GPBP1L1: variants seen among roughly 807,000 people sequenced by gnomAD.
The protein encoded by GPBP1L1 is GC-rich promoter binding protein 1 like 1, also known as vasculin-like protein 1.
GPBP1L1 carries 23 observed loss-of-function variants against 52.5 expected under a neutral mutation model. The ratio of observed to expected loss-of-function variants is 0.44; its 90% CI spans 0.32 to 0.62. The LOEUF (loss-of-function observed/expected upper bound fraction) is 0.62, where lower values mean the gene tolerates loss of function less well. GPBP1L1 is among the 20% of genes least tolerant of loss of function. GPBP1L1 has a pLI of 0.06. For missense variants in GPBP1L1, 596 were observed against 579.3 expected (o/e 1.03, Z -0.30); for synonymous variants, 243 against 203.1 (o/e 1.20, Z -1.67).
rs144826302 is a variant in GPBP1L1, at chr1:45,654,659, T to C, written c.361A>G (p.Asn121Asp). The C allele has an allele frequency of 1.2e-6, 2 of 1,614,188 alleles. No homozygotes were observed. Among genetic ancestry groups the C allele is most frequent in the Non-Finnish European group, 1.7e-6 (2 of 1,180,020 alleles). ...GGGTGNHRHW[N>D]GSFHSRKGCA... ...CCTTTCCGGGAGTGGAAGCTGCCAT[T>C]CCAATGGCGATGGTTCCCTGTGCCA... The change falls in exon 6 of 13, where the codon AAT (asparagine) becomes GAT (aspartate). Residue 121 changes from asparagine to aspartate, a missense_variant. Asn to Asp is a conservative substitution (Grantham distance 23, BLOSUM62 1). Coordinates refer to ENST00000355105, the MANE Select transcript of GPBP1L1 (RefSeq NM_021639.5).
At chr1:45,652,435 A>G (rs975529064) in intron 6 of GPBP1L1, among the ~76,000 whole-genome samples, 1 of 152,208 alleles carries the variant, frequency 6.6e-6, no homozygotes, top group African/African-American at 2.4e-5. Flanking sequence ...GTAGCATACT[A>G]CCCAGTTTAA....
At chr1:45,634,011 C>T in intron 9 of GPBP1L1, 85 bp downstream of exon 9, 1 of 1,307,730 alleles carries the variant, frequency 7.6e-7, no homozygotes, top group Non-Finnish European at 1.0e-6. Flanking sequence ...AAACAAGTGT[C>T]ACAGCTATAC....
chr1:45,651,481 G>C, intron 6 of GPBP1L1: 1 of 461,012 alleles, frequency 2.2e-6, no homozygotes, highest in Non-Finnish European at 4.0e-6. Context: ...CTCAGCCTGG[G>C]CCAATAGCCT....
chr1:45,650,217 C>T (rs1486944319), intron 6 of GPBP1L1, among the ~76,000 whole-genome samples: 1 of 152,126 alleles, frequency 6.6e-6, no homozygotes, highest in East Asian at 1.9e-4. Context: ...ATCCAAGTCT[C>T]CTAATCCTAG....
At chr1:45,673,902 T>TA (rs1292487659) in intron 2 of GPBP1L1, among the ~76,000 whole-genome samples, 4 of 152,050 alleles carry the variant, frequency 2.6e-5, no homozygotes, top group Non-Finnish European at 5.9e-5. Context: ...CAAAGAACCC[T>TA]AATCAATATA....
rs1644940344 is a variant in GPBP1L1, at chr1:45,660,930, G to T, written c.-802C>A. 1 of 152,186 alleles carries T rather than the reference G, an allele frequency of 6.6e-6. No individual in the cohort carries two copies. Among genetic ancestry groups the T allele is most frequent in the Non-Finnish European group, 1.5e-5 (1 of 68,030 alleles). The allele number at this position is 152,186 out of a possible 1,614,324, so 9.4% of individuals were successfully genotyped here. A position where few individuals can be genotyped will look rare whatever the true frequency, so the allele number is the denominator to read the frequency against. On this transcript the variant is annotated 5_prime_UTR_variant, in exon 3 of 13. Transcript: ENST00000355105. ...ATTTCTTGGTATAAAGCTACTAAAT[G>T]TATATTCTATGTCTTTGGCCTTTAC... is the stretch of plus-strand genomic sequence containing the variant.
chr1:45,639,628 G>T (rs1332692055), intron 8 of GPBP1L1, among the ~76,000 whole-genome samples: 1 of 150,432 alleles, frequency 6.6e-6, no homozygotes, highest in African/African-American at 2.4e-5. Flanking sequence ...TGTAATCCCA[G>T]CACCTTGGGA....
chr1:45,665,203 T>C (rs1451501578), intron 2 of GPBP1L1, among the ~76,000 whole-genome samples: 2 of 152,038 alleles, frequency 1.3e-5, no homozygotes, highest in African/African-American at 2.4e-5. Flanking sequence ...GGCAGGAGAA[T>C]TGCTTGAACT....
chr1:45,646,121 A>G (rs1569799042), intron 6 of GPBP1L1: 14 of 416,568 alleles, frequency 3.4e-5, no homozygotes, highest in Middle Eastern at 8.6e-4. Flanking sequence ...ATGGCCTAGT[A>G]AGAACCGGCG....
In GPBP1L1 at chr1:45,634,178, C is replaced by T. The variant is rs200092905; in HGVS notation, c.803G>A (p.Arg268Gln). 164 of 1,613,672 alleles carry T rather than the reference C, an allele frequency of 1.0e-4. No individual in the cohort carries two copies. Among genetic ancestry groups the T allele is most frequent in the East Asian group, 8.9e-5 (4 of 44,892 alleles). The change falls in exon 9 of 13, where the codon CGG becomes CAG. Residue 268 changes from arginine to glutamine, a missense_variant. Arg to Gln is a conservative substitution (Grantham distance 43). Transcript: ENST00000355105. Reference sequence around the variant, plus strand: ...GATTGGACTGGTAAAAGCAGACTCCCGGCTAGAGGAAAGGGATCCTGACTT... The same window carrying T: ...GATTGGACTGGTAAAAGCAGACTCCTGGCTAGAGGAAAGGGATCCTGACTT... ...EHKSGSLSSS[R>Q]ESAFTSPISV...
At chr1:45,632,184 G>A (rs1644539388) in intron 10 of GPBP1L1, among the ~76,000 whole-genome samples, 2 of 152,200 alleles carry the variant, frequency 1.3e-5, no homozygotes, top group African/African-American at 4.8e-5. Flanking sequence ...GAAGCAGGTT[G>A]GCCTTCCTCT....
intron 2 of GPBP1L1, among the ~76,000 whole-genome samples, chr1:45,670,424 G>A (rs1333628434): frequency 6.6e-6 from 1 of 152,102 alleles, no homozygotes; most frequent in Non-Finnish European, 1.5e-5. Context: ...ATGTCTTGAT[G>A]AGCACACGTT....
At position 45,651,637 on chromosome 1, in the gene GPBP1L1, C is replaced by T. The variant is rs1644820540; in HGVS notation, c.477+2906G>A. The T allele has an allele frequency of 8.7e-6, 6 of 688,106 alleles. No homozygotes were observed. In the East Asian group the frequency reaches 1.6e-4, roughly 18 times the overall value. 42.6% of individuals were successfully genotyped at this position (688,106 alleles called of 1,614,324 possible). A position where few individuals can be genotyped will look rare whatever the true frequency, so the allele number is the denominator to read the frequency against. ...GCATATAGAGGATGGCTCTCTGCTG[C>T]TGCAACCTGATATAGCAGGGCCATT... On this transcript the variant is annotated intron_variant, in intron 6 of 12. Coordinates refer to ENST00000355105, the MANE Select transcript of GPBP1L1 (RefSeq NM_021639.5).
intron 2 of GPBP1L1, among the ~76,000 whole-genome samples, chr1:45,670,937 C>T (rs1040248605): frequency 6.6e-6 from 1 of 151,438 alleles, no homozygotes; most frequent in African/African-American, 2.4e-5. Context: ...GGACTACAGG[C>T]GCCCGCCACC....
intron 5 of GPBP1L1, 46 bp downstream of exon 5, chr1:45,655,144 T>C (rs781421858): frequency 3.7e-6 from 6 of 1,612,328 alleles, no homozygotes; most frequent in Non-Finnish European, 5.1e-6. Flanking sequence ...GGGCTTGTCC[T>C]AAATGAGTAG....
At chr1:45,681,479 G>A (rs1395996748) in intron 2 of GPBP1L1, among the ~76,000 whole-genome samples, 1 of 152,118 alleles carries the variant, frequency 6.6e-6, no homozygotes, top group Non-Finnish European at 1.5e-5. Context: ...TGCAGTTTGT[G>A]GGACCTAGAT....
intron 6 of GPBP1L1, among the ~76,000 whole-genome samples, chr1:45,652,325 TA>T (rs954666001): frequency 6.6e-6 from 1 of 152,142 alleles, no homozygotes; most frequent in African/African-American, 2.4e-5. Flanking sequence ...CATATGAAGG[TA>T]AAAAAATGCA....
At position 45,653,702 on chromosome 1, in the gene GPBP1L1, C is replaced by T. The variant is rs1451751584; in HGVS notation, c.477+841G>A. Among the ~76,000 whole-genome samples the T allele has an allele frequency of 1.1e-3, 157 of 143,092 alleles. 3 individuals are homozygous for T. Among genetic ancestry groups the T allele is most frequent in the Admixed American group, 3.6e-3 (52 of 14,394 alleles). 93.9% of individuals were successfully genotyped at this position (143,092 alleles called of 152,430 possible). On this transcript the variant is annotated intron_variant, in intron 6 of 12. Transcript: ENST00000355105. ...TTGTTAAAATGATAATCTTTTTTTT[C>T]TTTTTTTTTTTTTTGAGACAGAGTC...
intron 6 of GPBP1L1, chr1:45,646,341 C>T (rs1316949403): frequency 4.2e-5 from 8 of 188,656 alleles, no homozygotes; most frequent in Non-Finnish European, 6.5e-5. Context: ...ATTGTTACTC[C>T]ATTTACTTGT....
Sources: allele counts gnomAD v4.1 joint callset (sites outside exome capture counted in the v4.1 genomes callset), GRCh38; gene constraint gnomAD v4.1.1; transcripts MANE v1.5; gene names NCBI Gene and HGNC (gene_info 2026-07-23, HGNC 2026-07-21).